Variants in MYPN observed in about 807,000 individuals in gnomAD.
The protein encoded by MYPN is myopalladin.
In MYPN, 63 loss-of-function variants were observed where a neutral mutation model predicts 129.4. The ratio of observed to expected loss-of-function variants is 0.49; its 90% CI spans 0.40 to 0.60. The LOEUF (loss-of-function observed/expected upper bound fraction) is 0.60. Ranked by LOEUF, MYPN falls within the 20% of genes least tolerant of loss-of-function variation. The pLI, the probability that MYPN is intolerant of heterozygous loss-of-function variation, is 0.00. For missense variants in MYPN, 1,596 were observed against 1,635.4 expected (o/e 0.98, Z 0.42); for synonymous variants, 629 against 600.9 (o/e 1.05, Z -0.68).
intron 18 of MYPN, among the ~76,000 whole-genome samples, chr10:68,205,816 GATTA>G (rs2043805791): frequency 6.6e-6 from 1 of 152,190 alleles, no homozygotes; most frequent in Non-Finnish European, 1.5e-5. Flanking sequence ...AGAATGAATG[GATTA>G]ATTAATTGAC....
chr10:68,201,182 T>C (rs967930836), intron 17 of MYPN, among the ~76,000 whole-genome samples: 1 of 152,200 alleles, frequency 6.6e-6, no homozygotes, highest in African/African-American at 2.4e-5. Context: ...AAATCTACTG[T>C]TGAGATATAA....
chr10:68,176,843 C>T (rs903898473), intron 12 of MYPN, among the ~76,000 whole-genome samples: 1 of 152,178 alleles, frequency 6.6e-6, no homozygotes, highest in Non-Finnish European at 1.5e-5. Context: ...CTCACATTTT[C>T]CCTGAAACGC....
chr10:68,158,218 G>A, intron 6 of MYPN: 1 of 432,790 alleles, frequency 2.3e-6, no homozygotes, highest in Non-Finnish European at 4.2e-6. Context: ...TGTGCGCTCA[G>A]TGGAAGAAGA....
chr10:68,198,248 G>T (rs1422054234), intron 16 of MYPN, among the ~76,000 whole-genome samples: 1 of 152,160 alleles, frequency 6.6e-6, no homozygotes, highest in Non-Finnish European at 1.5e-5. Context: ...GAAGTGAATT[G>T]TTGAATGTGT....
At chr10:68,189,664 T>C (rs901114618) in intron 13 of MYPN, among the ~76,000 whole-genome samples, 4 of 152,228 alleles carry the variant, frequency 2.6e-5, no homozygotes, top group African/African-American at 4.8e-5. Context: ...CGACTTCCAG[T>C]TCCATCCATG....
rs2041935486 is a variant in MYPN, at chr10:68,092,448, T to C, written c.-2+4456T>C. Among the ~76,000 whole-genome samples, 6 of 151,992 alleles carry C rather than the reference T, an allele frequency of 3.9e-5. No individual in the cohort carries two copies. In the South Asian group the frequency reaches 1.0e-3, roughly 26 times the overall value. ...AGGTGGAGGTTGCAGTGAGCCGAGA[T>C]TGAGCCATTGCACTCCAGCCTGGGG... is the stretch of plus-strand genomic sequence containing the variant. On this transcript the variant is annotated intron_variant, in intron 1 of 6. Transcript: ENST00000685154.
At chr10:68,104,010 G>A (rs144053994), upstream of MYPN, among the ~76,000 whole-genome samples, 136 of 152,318 alleles carry the variant, frequency 8.9e-4, no homozygotes, top group African/African-American at 3.2e-3. Context: ...GTAACTCACT[G>A]GTTGGGTAAC....
intron 1 of MYPN, among the ~76,000 whole-genome samples, chr10:68,115,602 C>T (rs895836439): frequency 6.6e-6 from 1 of 152,200 alleles, no homozygotes; most frequent in Non-Finnish European, 1.5e-5. Flanking sequence ...GATCTGCTCA[C>T]TTCTACTGTT....
intron 8 of MYPN, among the ~76,000 whole-genome samples, chr10:68,164,382 A>G (rs977883946): frequency 2.0e-5 from 3 of 152,218 alleles, no homozygotes; most frequent in African/African-American, 7.2e-5. Flanking sequence ...CAGAGGCATC[A>G]TGACCTAAAC....
chr10:68,151,360 C>A (rs1417013103), intron 6 of MYPN, among the ~76,000 whole-genome samples: 1 of 152,106 alleles, frequency 6.6e-6, no homozygotes, highest in Non-Finnish European at 1.5e-5. Context: ...AAACAAGATG[C>A]CTCTCAATTT....
chr10:68,197,598 G>C, intron 16 of MYPN, 120 bp downstream of exon 16: 1 of 1,208,026 alleles, frequency 8.3e-7, no homozygotes, highest in Non-Finnish European at 1.2e-6. Context: ...GATGGGGAAG[G>C]GAGACAGATC....
chr10:68,207,900 G>C (rs2134343910), intron 19 of MYPN, among the ~76,000 whole-genome samples: 1 of 142,276 alleles, frequency 7.0e-6, no homozygotes, highest in Non-Finnish European at 1.5e-5. Context: ...TTTAGACTGA[G>C]CTGGAGCACG....
intron 1 of MYPN, among the ~76,000 whole-genome samples, chr10:68,111,729 T>G (rs2042084533): frequency 6.6e-6 from 1 of 152,198 alleles, no homozygotes; most frequent in Non-Finnish European, 1.5e-5. Flanking sequence ...AGTTCATGTA[T>G]AACCAGAGTC....
At chr10:68,188,843 G>C in intron 12 of MYPN, 62 bp from the exon 13 acceptor site, 1 of 1,411,686 alleles carries the variant, frequency 7.1e-7, no homozygotes, top group African/African-American at 1.4e-5. Flanking sequence ...TTCCTCAATT[G>C]TACTGATGGA....
At chr10:68,120,404 C>A (rs544134412) in intron 1 of MYPN, among the ~76,000 whole-genome samples, 1 of 152,064 alleles carries the variant, frequency 6.6e-6, no homozygotes, top group Admixed American at 6.6e-5. Flanking sequence ...GAACACAGAG[C>A]GAAGTCTCCT....
At chr10:68,134,337 A>G (rs1021245639) in intron 2 of MYPN, among the ~76,000 whole-genome samples, 8 of 152,170 alleles carry the variant, frequency 5.3e-5, no homozygotes, top group Non-Finnish European at 7.3e-5. Context: ...ATTATGTAGC[A>G]ATTTAGTAAT....
chr10:68,116,597 A>G (rs1194257225), intron 1 of MYPN, among the ~76,000 whole-genome samples: 1 of 152,170 alleles, frequency 6.6e-6, no homozygotes, highest in Non-Finnish European at 1.5e-5. Flanking sequence ...TTAGCCGGGC[A>G]TGGTGGCAGG....
At chr10:68,184,166 A>C (rs1359606669) in intron 12 of MYPN, among the ~76,000 whole-genome samples, 1 of 152,166 alleles carries the variant, frequency 6.6e-6, no homozygotes, top group African/African-American at 2.4e-5. Context: ...TGTTCCTGGT[A>C]ATTTGGATTC....
In MYPN at chr10:68,174,184, A is replaced by G. The variant is rs2043187873; in HGVS notation, c.2092A>G (p.Asn698Asp). ...TTTCAGCATGACTGTTTTGAACTCC[A>G]ATGCTCCCCCAGCGGTGACAACATC... is the stretch of plus-strand genomic sequence containing the variant. The part of the protein sequence containing the change: ...FPFSMTVLNS[N>D]APPAVTTSSK... Residue 698 changes from asparagine to aspartate, a missense_variant, in exon 11 of 20, where the codon AAT (asparagine) becomes GAT (aspartate). Coordinates refer to ENST00000358913, the MANE Select transcript of MYPN (RefSeq NM_032578.4). The G allele has an allele frequency of 1.2e-6, 2 of 1,614,002 alleles. No homozygotes were observed. The highest frequency in any genetic ancestry group is 1.7e-6 in the Non-Finnish European group (2 of 1,179,950).
Sources: gnomAD v4.1 joint callset for allele counts (sites outside exome capture counted in the v4.1 genomes callset) on GRCh38, gnomAD v4.1.1 for gene constraint, MANE v1.5 for transcripts, NCBI Gene and HGNC (gene_info 2026-07-23, HGNC 2026-07-21) for gene names.